DYSF: variants seen among roughly 807,000 people sequenced by gnomAD.
DYSF encodes the protein dysferlin.
In DYSF, 212 loss-of-function variants were observed where a neutral mutation model predicts 274.9. The observed-to-expected ratio is 0.77, with a 90% CI of 0.69 to 0.86. The LOEUF (loss-of-function observed/expected upper bound fraction) is 0.86. Among genes scored for constraint, DYSF ranks in the 40% least tolerant of loss-of-function variants. DYSF has a pLI of 0.00. For synonymous variants in DYSF, 1,091 were observed against 1,078.7 expected (o/e 1.01, Z -0.22); for missense variants, 2,666 against 2,783.2 (o/e 0.96, Z 0.95).
At chr2:71,504,472 C>A (rs1199084535) in intron 4 of DYSF, among the ~76,000 whole-genome samples, 1 of 152,120 alleles carries the variant, frequency 6.6e-6, no homozygotes, top group Non-Finnish European at 1.5e-5. Flanking sequence ...ACCCTGAGTC[C>A]CCTCTCATCC....
rs540879872 is a variant in DYSF, at chr2:71,546,591, T to C, written c.1577-4450T>C. Among the ~76,000 whole-genome samples the C allele has an allele frequency of 3.3e-5, 5 of 152,356 alleles. No individual in the cohort carries two copies. In the East Asian group the frequency reaches 9.6e-4, roughly 29 times the overall value. ...GTGCTTTCCTTAGAAGCTGCAGGTC[T>C]TTTGAGAGGTAACAGGCACGTGAGC... On this transcript the variant is annotated intron_variant, in intron 17 of 55. Transcript: ENST00000410020.
At chr2:71,654,710 A>G (rs752302013) in intron 42 of DYSF, among the ~76,000 whole-genome samples, 1 of 152,202 alleles carries the variant, frequency 6.6e-6, no homozygotes, top group Non-Finnish European at 1.5e-5. Flanking sequence ...TCATATTGCC[A>G]TTAGGAAGGA....
chr2:71,562,427 A>G (rs2091835638), intron 23 of DYSF, among the ~76,000 whole-genome samples: 1 of 152,028 alleles, frequency 6.6e-6, no homozygotes, highest in African/African-American at 2.4e-5. Flanking sequence ...AGTAACTCTG[A>G]GTTTTGCTGA....
intron 22 of DYSF, among the ~76,000 whole-genome samples, chr2:71,560,378 C>A (rs1358661858): frequency 2.1e-5 from 2 of 95,524 alleles, no homozygotes; most frequent in Non-Finnish European, 4.8e-5. Flanking sequence ...ACCCGCTTGC[C>A]CCCGCTCTCA....
chr2:71,644,945 G>T (rs142612012), intron 42 of DYSF, among the ~76,000 whole-genome samples: 108 of 152,324 alleles, frequency 7.1e-4, no homozygotes, highest in African/African-American at 2.4e-3. Context: ...CCCTTGCAGG[G>T]TGTGCAGTGG....
At chr2:71,550,869 G>A (rs1219094246) in intron 17 of DYSF, among the ~76,000 whole-genome samples, 172 bp from the exon 18 acceptor site, 1 of 152,204 alleles carries the variant, frequency 6.6e-6, no homozygotes, top group Non-Finnish European at 1.5e-5. Context: ...TTAGGGGAGG[G>A]CGTGAGAGCT....
chr2:71,676,929 ATG>A (rs3055157), intron 52 of DYSF, among the ~76,000 whole-genome samples: 2,760 of 150,080 alleles, frequency 0.018, 79 homozygotes, highest in Admixed American at 0.074. Context: ...ATGTGTGTGT[ATG>A]TGTGTGTGTG....
At chr2:71,651,179 A>G (rs1299698831) in intron 42 of DYSF, among the ~76,000 whole-genome samples, 1 of 152,112 alleles carries the variant, frequency 6.6e-6, no homozygotes, top group Non-Finnish European at 1.5e-5. Context: ...AAAAAGAGAA[A>G]AGGAAAAGGA....
chr2:71,528,233 G>T, intron 13 of DYSF, 65 bp from the exon 14 acceptor site: 8 of 1,428,574 alleles, frequency 5.6e-6, no homozygotes, highest in Non-Finnish European at 7.8e-6. Context: ...AGACAGATGG[G>T]GGACAGTCAG....
chr2:71,574,566 T>A (rs1167532415), intron 30 of DYSF, among the ~76,000 whole-genome samples, 195 bp downstream of exon 30: 1 of 152,112 alleles, frequency 6.6e-6, no homozygotes, highest in African/African-American at 2.4e-5. Flanking sequence ...TCTTCTAAAA[T>A]GAAAAAGCTC....
chr2:71,526,242 AAGACAAGGAGG>A lies in DYSF; in HGVS notation c.1174_1184del (p.Asp392HisfsTer2). On this transcript the variant is annotated frameshift_variant, in exon 13 of 56. Transcript: ENST00000410020. LOFTEE classifies it high-confidence loss of function. Reference sequence around the variant, plus strand: ...TAGCTGGAGAGAAAAGACCCCTCTGAAGACAAGGAGGACATTGAAAGCAACCTGCTCCGGCC... The same window carrying A: ...TAGCTGGAGAGAAAAGACCCCTCTGAACATTGAAAGCAACCTGCTCCGGCC... 6.2e-7 allele frequency: 1 copy of A among 1,614,264 alleles called. No individual in the cohort carries two copies. Among genetic ancestry groups the A allele is most frequent in the Non-Finnish European group, 8.5e-7 (1 of 1,180,052 alleles).
chr2:71,572,888 A>T (rs983696051), intron 29 of DYSF, among the ~76,000 whole-genome samples: 6 of 152,192 alleles, frequency 3.9e-5, no homozygotes, highest in African/African-American at 1.2e-4. Flanking sequence ...GTTGGCATTC[A>T]TGCAATGCAA....
At chr2:71,605,461 C>G (rs1416845084) in intron 36 of DYSF, among the ~76,000 whole-genome samples, 1 of 152,120 alleles carries the variant, frequency 6.6e-6, no homozygotes, top group Non-Finnish European at 1.5e-5. Flanking sequence ...TGCCCAGGGC[C>G]CCCTAGGATA....
chr2:71,669,134 T>A lies in DYSF; in HGVS notation c.5569T>A (p.Trp1857Arg). Reference protein sequence around the residue: ...ARRFFLRCIIWNTRDVILDDL... With the variant: ...ARRFFLRCIIRNTRDVILDDL... ...CAGGTTTTTCCTGCGTTGTATTATC[T>A]GGAATACCAGAGATGTGATCCTGGA... Residue 1857 changes from tryptophan to arginine, a missense_variant, in exon 50 of 56, where the codon TGG (tryptophan) becomes AGG (arginine). By Grantham distance (101) the Trp-to-Arg change is moderately radical. Coordinates refer to ENST00000410020, the MANE Select transcript of DYSF (RefSeq NM_001130987.2). The A allele has an allele frequency of 6.2e-7, 1 of 1,607,190 alleles. No individual in the cohort carries two copies. The highest frequency in any genetic ancestry group is 2.2e-5 in the East Asian group (1 of 44,802).
At position 71,466,849 on chromosome 2, in the gene DYSF, TG is replaced by T; in HGVS notation, c.8del (p.Cys3SerfsTer5). On this transcript the variant is annotated frameshift_variant, in exon 1 of 56. Coordinates refer to ENST00000410020, the MANE Select transcript of DYSF (RefSeq NM_001130987.2). LOFTEE classifies it high-confidence loss of function. Reference protein sequence around the residue: MLCCLLVRASNLP... With the variant: MLXCLLVRASNLP... ...CCGCCGGGGCTGCCCAGCCATGCTG[TG>T]CTGCCTGCTGGTGAGGGCCAGCAAC... The T allele has an allele frequency of 6.5e-7, 1 of 1,539,192 alleles. No homozygotes were observed.
intron 30 of DYSF, among the ~76,000 whole-genome samples, chr2:71,588,282 A>G (rs983400678): frequency 6.6e-6 from 1 of 152,090 alleles, no homozygotes; most frequent in African/African-American, 2.4e-5. Context: ...CAGGCCGAGG[A>G]GCTGCATAGT....
intron 6 of DYSF, among the ~76,000 whole-genome samples, 165 bp from the exon 7 acceptor site, chr2:71,513,551 T>G (rs1171423152): frequency 6.6e-6 from 1 of 152,190 alleles, no homozygotes; most frequent in Non-Finnish European, 1.5e-5. Context: ...TCTTTCTACC[T>G]TATCCATCCT....
At chr2:71,454,003 T>C (rs1243373795) in exon 1 of DYSF, 2 of 1,614,176 alleles carry the variant, frequency 1.2e-6, no homozygotes, top group Non-Finnish European at 1.7e-6. Flanking sequence ...CCAAGCATGC[T>C]GAGGGTCTTC....
At chr2:71,592,144 G>C (rs1490975281) in intron 32 of DYSF, among the ~76,000 whole-genome samples, 1 of 152,078 alleles carries the variant, frequency 6.6e-6, no homozygotes, top group Non-Finnish European at 1.5e-5. Context: ...GAGGGGGATG[G>C]CCAGGGGGGG....
Sources: allele counts gnomAD v4.1 joint callset (sites outside exome capture counted in the v4.1 genomes callset), GRCh38; gene constraint gnomAD v4.1.1; transcripts MANE v1.5; gene names NCBI Gene and HGNC (gene_info 2026-07-23, HGNC 2026-07-21).